Variants in TENM3 observed in about 807,000 individuals in gnomAD.
TENM3 encodes teneurin transmembrane protein 3.
In TENM3, 63 loss-of-function variants were observed where a neutral mutation model predicts 255.1. The observed-to-expected ratio is 0.25, with a 90% CI of 0.20 to 0.30. TENM3 has a LOEUF of 0.30. Among genes scored for constraint, TENM3 ranks in the 10% least tolerant of loss-of-function variants. The pLI, the probability that TENM3 is intolerant of heterozygous loss-of-function variation, is 1.00. For synonymous variants in TENM3, 1,306 were observed against 1,322.3 expected (o/e 0.99, Z 0.27); for missense variants, 2,929 against 3,461.1 (o/e 0.85, Z 3.86).
chr4:182,460,641 A>C (rs1481437132), intron 3 of TENM3, among the ~76,000 whole-genome samples: 1 of 152,204 alleles, frequency 6.6e-6, no homozygotes, highest in Non-Finnish European at 1.5e-5. Context: ...AATGTAAACA[A>C]CAGTCTGTGA....
At chr4:182,389,183 C>T (rs1287611284) in intron 3 of TENM3, among the ~76,000 whole-genome samples, 1 of 151,998 alleles carries the variant, frequency 6.6e-6, no homozygotes, top group East Asian at 1.9e-4. Flanking sequence ...GATAGTTGCC[C>T]GTGTTGGGTA....
At chr4:182,045,395 T>TAA in the TENM3 span, among the ~76,000 whole-genome samples, 617 of 139,500 alleles carry the variant, frequency 4.4e-3, 4 homozygotes, top group African/African-American at 7.7e-3. Flanking sequence ...TAGCCTCAAT[T>TAA]AAAAAAAAAA....
chr4:181,546,378 T>C, the TENM3 span, among the ~76,000 whole-genome samples: 1 of 152,168 alleles, frequency 6.6e-6, no homozygotes, highest in Non-Finnish European at 1.5e-5. Context: ...ATTAAACACA[T>C]TTATTATCAC....
intron 6 of TENM3, among the ~76,000 whole-genome samples, chr4:182,667,031 G>A (rs566376898): frequency 6.6e-6 from 1 of 152,232 alleles, no homozygotes; most frequent in Admixed American, 6.5e-5. Context: ...CTTTATTGTG[G>A]TGGTCTGGAA....
At chr4:181,728,096 C>T in the TENM3 span, among the ~76,000 whole-genome samples, 4 of 152,076 alleles carry the variant, frequency 2.6e-5, no homozygotes, top group African/African-American at 7.2e-5. Context: ...CATGTTCTTG[C>T]CTTTTAAAAC....
At chr4:182,084,793 T>C in the TENM3 span, 3 of 152,198 alleles carry the variant, frequency 2.0e-5, no homozygotes, top group Non-Finnish European at 4.4e-5. Flanking sequence ...ATAAGATTTA[T>C]GTGGATACAT....
intron 3 of TENM3, among the ~76,000 whole-genome samples, chr4:182,476,568 G>A (rs1733702016): frequency 6.6e-6 from 1 of 152,146 alleles, no homozygotes; most frequent in Non-Finnish European, 1.5e-5. Flanking sequence ...ACATACATGT[G>A]TGTATATGTA....
At chr4:181,870,967 T>A in the TENM3 span, among the ~76,000 whole-genome samples, 1 of 152,106 alleles carries the variant, frequency 6.6e-6, no homozygotes, top group African/African-American at 2.4e-5. Context: ...AAGTAGGGGT[T>A]GAAATGCATT....
chr4:182,412,522 T>A (rs72995455), intron 3 of TENM3, among the ~76,000 whole-genome samples: 109 of 152,250 alleles, frequency 7.2e-4, no homozygotes, highest in African/African-American at 2.5e-3. Flanking sequence ...TAAAAAAGTA[T>A]GTTTGATATT....
At chr4:181,538,535 T>G in the TENM3 span, among the ~76,000 whole-genome samples, 1 of 146,026 alleles carries the variant, frequency 6.8e-6, no homozygotes, top group African/African-American at 2.5e-5. Flanking sequence ...AGGGGTGGGG[T>G]GGGGGAACAT....
At chr4:182,250,925 A>T (rs887882298) in intron 1 of TENM3, among the ~76,000 whole-genome samples, 2 of 152,176 alleles carry the variant, frequency 1.3e-5, no homozygotes, top group Non-Finnish European at 2.9e-5. Flanking sequence ...TTTCAGATGG[A>T]TAAGAATTTG....
chr4:182,512,763 C>G (rs59540502), intron 3 of TENM3, among the ~76,000 whole-genome samples: 11,547 of 151,728 alleles, frequency 0.076, 494 homozygotes, highest in East Asian at 0.11. Flanking sequence ...CTTAATCCCT[C>G]TGAGCCTCCC....
chr4:182,270,488 T>C (rs1759544737), intron 1 of TENM3, among the ~76,000 whole-genome samples: 1 of 152,222 alleles, frequency 6.6e-6, no homozygotes, highest in Admixed American at 6.5e-5. Context: ...TGGTCAATTT[T>C]GGCTAAACTC....
intron 5 of TENM3, among the ~76,000 whole-genome samples, chr4:182,637,554 A>T (rs1751944629): frequency 6.6e-6 from 1 of 152,202 alleles, no homozygotes; most frequent in African/African-American, 2.4e-5. Context: ...AAATAGATTT[A>T]AAAAAATTCC....
chr4:182,195,060 CACACACACTT>C (rs1366216487), intron 1 of TENM3, among the ~76,000 whole-genome samples: 1 of 108,616 alleles, frequency 9.2e-6, no homozygotes, highest in Non-Finnish European at 2.2e-5. Flanking sequence ...CACACACACA[CACACACACTT>C]ATATATTCAG....
intron 3 of TENM3, among the ~76,000 whole-genome samples, chr4:182,485,509 A>T (rs915685912): frequency 6.6e-6 from 1 of 152,192 alleles, no homozygotes; most frequent in Non-Finnish European, 1.5e-5. Context: ...TTTGTCTCAC[A>T]TACTGTATGT....
chr4:181,892,714 A>T, the TENM3 span, among the ~76,000 whole-genome samples: 4 of 152,240 alleles, frequency 2.6e-5, no homozygotes, highest in South Asian at 8.3e-4. Context: ...TACTCAGCTC[A>T]AAATTTTCCC....
chr4:181,856,706 T>A, the TENM3 span, among the ~76,000 whole-genome samples: 3 of 152,186 alleles, frequency 2.0e-5, no homozygotes, highest in Admixed American at 2.0e-4. Flanking sequence ...TGTGATTCCC[T>A]GGGCAGGCTG....
chr4:182,458,712 T>C (rs1774065897), intron 3 of TENM3, among the ~76,000 whole-genome samples: 1 of 152,230 alleles, frequency 6.6e-6, no homozygotes, highest in Non-Finnish European at 1.5e-5. Flanking sequence ...AGTTTATTTT[T>C]CCATACATGT....
Sources: allele counts gnomAD v4.1 joint callset (sites outside exome capture counted in the v4.1 genomes callset), GRCh38; gene constraint gnomAD v4.1.1; transcripts MANE v1.5; gene names NCBI Gene and HGNC (gene_info 2026-07-23, HGNC 2026-07-21).